Variants in DOP1A observed in about 807,000 individuals in gnomAD.
The protein encoded by DOP1A is protein DOP1A.
DOP1A carries 90 observed loss-of-function variants against 267.6 expected under a neutral mutation model. The ratio of observed to expected loss-of-function variants is 0.34; its 90% CI spans 0.28 to 0.40. DOP1A has a LOEUF of 0.40. DOP1A is among the 10% of genes least tolerant of loss of function. DOP1A has a pLI of 1.00. For synonymous variants in DOP1A, 932 were observed against 999.1 expected, an observed-to-expected ratio of 0.93 and a Z score of 1.27; for missense variants, 2,437 against 2,900.4, an observed-to-expected ratio of 0.84 and a Z score of 3.67.
At chr6:83,122,662 CAAA>C (rs1022394705) in intron 11 of DOP1A, among the ~76,000 whole-genome samples, 198 bp from the exon 12 acceptor site, 9 of 151,728 alleles carry the variant, frequency 5.9e-5, no homozygotes, top group African/African-American at 2.2e-4. Flanking sequence ...TGATGTTTGA[CAAA>C]AATTCAAATT....
intron 21 of DOP1A, 134 bp downstream of exon 21, chr6:83,139,296 C>G: frequency 1.6e-6 from 1 of 638,532 alleles, no homozygotes; most frequent in Non-Finnish European, 2.6e-6. Flanking sequence ...GTATTACTTT[C>G]CACAAAAAAG....
chr6:83,169,205 C>T (rs1451401231), downstream of DOP1A: 3 of 1,612,808 alleles, frequency 1.9e-6, no homozygotes, highest in East Asian at 6.7e-5. Flanking sequence ...TGTAAAAAGT[C>T]CAGTTTCTCA....
At chr6:83,110,463 A>T (rs529553630) in intron 6 of DOP1A, 149 bp downstream of exon 6, 1 of 791,594 alleles carries the variant, frequency 1.3e-6, no homozygotes, top group Middle Eastern at 3.9e-4. Flanking sequence ...CCAAAATAAT[A>T]ATTATTATTT....
At chr6:83,114,230 T>G (rs1775037615) in intron 7 of DOP1A, among the ~76,000 whole-genome samples, 1 of 152,174 alleles carries the variant, frequency 6.6e-6, no homozygotes, top group African/African-American at 2.4e-5. Flanking sequence ...TATTGAAATA[T>G]TAATAACTAA....
At chr6:83,155,865 C>T (rs1203908700) in intron 33 of DOP1A, 86 bp from the exon 34 acceptor site, 35 of 1,481,084 alleles carry the variant, frequency 2.4e-5, no homozygotes, top group Non-Finnish European at 3.1e-5. Context: ...TTTTGGATGT[C>T]ATAGAGCATC....
At position 83,130,264 on chromosome 6, in the gene DOP1A, C is replaced by G; in HGVS notation, c.2483C>G (p.Thr828Ser). The G allele has an allele frequency of 2.5e-6, 4 of 1,614,048 alleles. No individual in the cohort carries two copies. Among genetic ancestry groups the G allele is most frequent in the Non-Finnish European group, 3.4e-6 (4 of 1,179,982 alleles). The change falls in exon 17 of 39, where the codon ACT (threonine) becomes AGT (serine). Residue 828 changes from threonine to serine, a missense_variant. Physicochemically the swap from Thr to Ser is moderately conservative, Grantham distance 58 (BLOSUM62 1). This residue lies in a region of DOP1A where 878 missense variants were observed against 992.9 expected (regional missense o/e 0.88). Coordinates refer to ENST00000349129, the MANE Select transcript of DOP1A (RefSeq NM_015018.4). ...VGLTQSVAMV[T>S]GENINSVEPA... The stretch of plus-strand genomic sequence containing the variant: ...CTGACACAGTCTGTGGCCATGGTCA[C>G]TGGGGAAAACATCAACAGTGTAGAG...
At chr6:83,140,599 T>C (rs562928844) in intron 23 of DOP1A, among the ~76,000 whole-genome samples, 196 bp downstream of exon 23, 4 of 152,304 alleles carry the variant, frequency 2.6e-5, no homozygotes, top group East Asian at 3.9e-4. Context: ...TTCAGTAATT[T>C]TTTTAGTAAA....
At chr6:83,142,974 T>A (rs1016100562) in intron 24 of DOP1A, among the ~76,000 whole-genome samples, 2 of 152,218 alleles carry the variant, frequency 1.3e-5, no homozygotes, top group Non-Finnish European at 2.9e-5. Flanking sequence ...GATTTTGTGC[T>A]GATTTTACAT....
chr6:83,125,421 G>T, intron 14 of DOP1A, 79 bp from the exon 15 acceptor site: 1 of 1,288,652 alleles, frequency 7.8e-7, no homozygotes, highest in Non-Finnish European at 1.1e-6. Flanking sequence ...TAAAATCATT[G>T]CCTATTTATA....
rs1263105303 is a variant in DOP1A at position 83,138,804 on chromosome 6, A to G, written c.4762A>G (p.Arg1588Gly). ...GTCACAACTTCTTAAGGTGCTTCAG[A>G]GGCTGATTGTTCTAGAACACAGAGT... ...LQSQLLKVLQ[R>G]LIVLEHRVMT... is the part of the protein sequence containing the mutation. The change falls in exon 21 of 39, where the codon AGG (arginine) becomes GGG (glycine). Residue 1588 changes from arginine (R) to glycine (G), a missense_variant. Transcript: ENST00000349129. The G allele has an allele frequency of 1.9e-6, 3 of 1,614,020 alleles. No individual in the cohort carries two copies. The highest frequency in any genetic ancestry group is 4.5e-5 in the East Asian group (2 of 44,882).
chr6:83,146,765 A>G (rs1780706744), intron 25 of DOP1A, among the ~76,000 whole-genome samples: 1 of 152,190 alleles, frequency 6.6e-6, no homozygotes, highest in Non-Finnish European at 1.5e-5. Context: ...TACACTCAAC[A>G]CTATCTTTAA....
chr6:83,140,486 T>C, intron 23 of DOP1A, 83 bp downstream of exon 23: 1 of 1,157,808 alleles, frequency 8.6e-7, no homozygotes, highest in Non-Finnish European at 1.2e-6. Context: ...GTGAATAATT[T>C]GTGTAGTATT....
chr6:83,081,706 A>G (rs1408474527), intron 1 of DOP1A, among the ~76,000 whole-genome samples: 1 of 152,240 alleles, frequency 6.6e-6, no homozygotes, highest in East Asian at 1.9e-4. Flanking sequence ...ATGAAATTAA[A>G]AAGCTTCTGC....
At chr6:83,169,435 T>G, downstream of DOP1A, 4 of 1,249,854 alleles carry the variant, frequency 3.2e-6, no homozygotes, top group Non-Finnish European at 4.4e-6. Context: ...CTTGATTTTG[T>G]TTCACTAACA....
intron 1 of DOP1A, among the ~76,000 whole-genome samples, chr6:83,074,804 C>T (rs760668579): frequency 5.3e-5 from 8 of 152,234 alleles, no homozygotes; most frequent in Non-Finnish European, 7.3e-5. Context: ...GGCTCAGTGG[C>T]TCATTTCCAT....
At chr6:83,077,756 A>G in intron 1 of DOP1A, among the ~76,000 whole-genome samples, 1 of 152,228 alleles carries the variant, frequency 6.6e-6, no homozygotes, top group Non-Finnish European at 1.5e-5. Context: ...CATGTAAGCC[A>G]TGTTTCTAAA....
chr6:83,150,216 A>G lies in DOP1A; in HGVS notation c.5837+1353A>G, dbSNP rs370706103. On this transcript the variant is annotated intron_variant, in intron 27 of 38. Coordinates refer to ENST00000349129, the MANE Select transcript of DOP1A (RefSeq NM_015018.4). ...TAGGGAGACTGTGTCTCTACAAAAAATTTAAAAATTAGCCAGGCATAGTCA... is the reference window on the plus strand; with the variant it reads ...TAGGGAGACTGTGTCTCTACAAAAAGTTTAAAAATTAGCCAGGCATAGTCA... 3.3e-5 allele frequency among the ~76,000 whole-genome samples: 5 copies of G among 152,314 alleles called. No individual in the cohort carries two copies. In the East Asian group the frequency reaches 5.8e-4, roughly 18 times the overall value.
intron 28 of DOP1A, 73 bp downstream of exon 28, chr6:83,151,732 A>C (rs1416521499): frequency 6.7e-7 from 1 of 1,494,536 alleles, no homozygotes; most frequent in East Asian, 2.3e-5. Context: ...GAGTCAAATA[A>C]AATAAACTGA....
intron 1 of DOP1A, among the ~76,000 whole-genome samples, chr6:83,085,930 T>C (rs1200639829): frequency 6.6e-6 from 1 of 152,152 alleles, no homozygotes. Flanking sequence ...GGATGAATTA[T>C]GCAGACTCTC....
Sources: gnomAD v4.1 joint callset for allele counts (sites outside exome capture counted in the v4.1 genomes callset) on GRCh38, gnomAD v4.1.1 for gene constraint, gnomAD v4.1.1 regional missense constraint, MANE v1.5 for transcripts, NCBI Gene and HGNC (gene_info 2026-07-23, HGNC 2026-07-21) for gene names.